KCNG3: variants seen among roughly 807,000 people sequenced by gnomAD.
KCNG3 encodes voltage-gated potassium channel regulatory subunit KCNG3.
KCNG3 carries 15 observed loss-of-function variants against 29.0 expected under a neutral mutation model. The ratio of observed to expected loss-of-function variants is 0.52; its 90% confidence interval spans 0.35 to 0.80. KCNG3 has a LOEUF of 0.80. Ranked by LOEUF, KCNG3 falls within the 30% of genes least tolerant of loss-of-function variation. The pLI is 0.01. For missense variants in KCNG3, 512 were observed against 605.7 expected (o/e 0.85, Z 1.62); for synonymous variants, 322 against 248.9 (o/e 1.29, Z -2.76).
chr2:42,411,233 AC>A, the KCNG3 span, among the ~76,000 whole-genome samples: 1 of 152,020 alleles, frequency 6.6e-6, no homozygotes, highest in East Asian at 1.9e-4. Context: ...TCATTGATTT[AC>A]TTTTTTCAAT....
intron 1 of KCNG3, chr2:42,469,785 C>T (rs529981547): frequency 1.8e-4 from 32 of 177,136 alleles, no homozygotes; most frequent in African/African-American, 6.8e-4. Flanking sequence ...AAATGTACAG[C>T]TTCTTCCTTT....
chr2:42,439,678 CT>C (rs1366379069), downstream of KCNG3, among the ~76,000 whole-genome samples: 1 of 150,614 alleles, frequency 6.6e-6, no homozygotes, highest in African/African-American at 2.4e-5. Context: ...CGGAGTTTCA[CT>C]TTTGTCACCC....
In KCNG3 at chr2:42,471,184, G is replaced by GTGTATA. The variant is rs962557511; in HGVS notation, c.665+21652_665+21653insTATACA. The stretch of plus-strand genomic sequence containing the variant: ...TGTGTGTGTGTGTGTGTGTGTGTGT[G>GTGTATA]TATATATATATATATATTCACACAA... On this transcript the variant is annotated intron_variant, in intron 1 of 1. Coordinates refer to ENST00000306078, the MANE Select transcript of KCNG3 (RefSeq NM_133329.6). Among the ~76,000 whole-genome samples, 529 of 147,930 alleles carry GTGTATA rather than the reference G, an allele frequency of 3.6e-3. 1 individual carries two copies. The highest frequency in any genetic ancestry group is 0.013 in the African/African-American group (506 of 39,342).
At chr2:42,396,310 C>T in the KCNG3 span, among the ~76,000 whole-genome samples, 1 of 152,176 alleles carries the variant, frequency 6.6e-6, no homozygotes, top group Non-Finnish European at 1.5e-5. Context: ...AAATTTTGTC[C>T]ATTTTTCTAA....
the KCNG3 span, among the ~76,000 whole-genome samples, chr2:42,390,208 C>G: frequency 1.7e-3 from 256 of 152,246 alleles, 2 homozygotes; most frequent in East Asian, 0.04. Flanking sequence ...CAAGCTGATG[C>G]TATCTTATTT....
intron 1 of KCNG3, among the ~76,000 whole-genome samples, chr2:42,477,420 CACAT>C (rs199953400): frequency 6.9e-4 from 30 of 43,272 alleles, no homozygotes; most frequent in South Asian, 3.2e-3. Flanking sequence ...CACACACACA[CACAT>C]ATATTTTTTT....
At chr2:42,484,142 T>C (rs906422183) in intron 1 of KCNG3, among the ~76,000 whole-genome samples, 5 of 152,076 alleles carry the variant, frequency 3.3e-5, no homozygotes, top group Non-Finnish European at 5.9e-5. Context: ...AACAAGATCA[T>C]AGAACAATCC....
At chr2:42,485,638 C>T (rs769742744) in intron 1 of KCNG3, among the ~76,000 whole-genome samples, 4 of 152,026 alleles carry the variant, frequency 2.6e-5, no homozygotes, top group Non-Finnish European at 2.9e-5. Context: ...TTAGCAGAGA[C>T]GGGGTCTCAC....
At chr2:42,426,207 A>G in the KCNG3 span, among the ~76,000 whole-genome samples, 8 of 152,354 alleles carry the variant, frequency 5.3e-5, no homozygotes, top group East Asian at 1.5e-3. Context: ...CTGAATGAGG[A>G]AAGTTATGAC....
intron 1 of KCNG3, among the ~76,000 whole-genome samples, chr2:42,452,954 G>C (rs962233351): frequency 6.6e-6 from 1 of 152,156 alleles, no homozygotes; most frequent in Non-Finnish European, 1.5e-5. Context: ...GGTAATTTTT[G>C]TATTTTTAGT....
the KCNG3 span, among the ~76,000 whole-genome samples, chr2:42,419,253 T>TTTTTTTTTTTTTTTTC: frequency 8.3e-6 from 1 of 120,874 alleles, no homozygotes; most frequent in African/African-American, 3.2e-5. Context: ...TTTTTTTTTT[T>TTTTTTTTTTTTTTTTC]GAGATAGAGT....
the KCNG3 span, among the ~76,000 whole-genome samples, chr2:42,413,511 A>G: frequency 6.6e-6 from 1 of 152,032 alleles, no homozygotes; most frequent in African/African-American, 2.4e-5. Context: ...TCTTCTAATG[A>G]TTAAGAAGTT....
chr2:42,488,116 A>C (rs1673774802), intron 1 of KCNG3, among the ~76,000 whole-genome samples: 1 of 152,230 alleles, frequency 6.6e-6, no homozygotes, highest in South Asian at 2.1e-4. Context: ...TGGCTGGAAG[A>C]ATGGAGAAAG....
At chr2:42,456,794 A>C (rs950529827) in intron 1 of KCNG3, among the ~76,000 whole-genome samples, 1 of 152,194 alleles carries the variant, frequency 6.6e-6, no homozygotes, top group African/African-American at 2.4e-5. Flanking sequence ...CACATTTCTA[A>C]CAGGCATGTA....
the KCNG3 span, among the ~76,000 whole-genome samples, chr2:42,409,699 C>CAAAAAAA: frequency 1.2e-4 from 6 of 51,976 alleles, no homozygotes; most frequent in East Asian, 1.0e-3. Flanking sequence ...GTGCCTGTCT[C>CAAAAAAA]AAAAAAAAAA....
At chr2:42,415,233 C>T in the KCNG3 span, among the ~76,000 whole-genome samples, 2 of 152,110 alleles carry the variant, frequency 1.3e-5, no homozygotes, top group African/African-American at 2.4e-5. Flanking sequence ...AGCATGATTC[C>T]AGATCATGCA....
the KCNG3 span, among the ~76,000 whole-genome samples, chr2:42,408,794 C>A: frequency 6.6e-6 from 1 of 152,154 alleles, no homozygotes; most frequent in Non-Finnish European, 1.5e-5. Context: ...TGAAACATGC[C>A]CCTTGCTCAC....
intron 1 of KCNG3, among the ~76,000 whole-genome samples, chr2:42,473,557 C>T (rs1673345495): frequency 6.6e-6 from 1 of 151,560 alleles, no homozygotes; most frequent in Admixed American, 6.6e-5. Flanking sequence ...ACCATGTTGG[C>T]CAGGCTGGTC....
the KCNG3 span, among the ~76,000 whole-genome samples, chr2:42,390,141 A>G: frequency 6.6e-6 from 1 of 152,240 alleles, no homozygotes; most frequent in Non-Finnish European, 1.5e-5. Context: ...TATAAACAAC[A>G]GCACCAAAAT....
Sources: allele counts gnomAD v4.1 joint callset (sites outside exome capture counted in the v4.1 genomes callset), GRCh38; gene constraint gnomAD v4.1.1; transcripts MANE v1.5; gene names NCBI Gene and HGNC (gene_info 2026-07-23, HGNC 2026-07-21).